The following IGDCC4 variants were observed in gnomAD, a reference collection of about 807,000 sequenced individuals.
IGDCC4 encodes immunoglobulin superfamily DCC subclass member 4.
IGDCC4 carries 72 observed loss-of-function variants against 116.6 expected under a neutral mutation model. The observed-to-expected ratio is 0.62, with a 90% CI of 0.51 to 0.75. The LOEUF (loss-of-function observed/expected upper bound fraction) is 0.75, where lower values mean the gene tolerates loss of function less well. IGDCC4 is among the 30% of genes least tolerant of loss of function. The probability of loss-of-function intolerance (pLI) is 0.00; values close to 1 mark genes in which losing one functional copy is unlikely to be tolerated. For missense variants in IGDCC4, 1,501 were observed against 1,662.4 expected, an observed-to-expected ratio of 0.90 and a Z score of 1.69; for synonymous variants, 709 against 719.9, an observed-to-expected ratio of 0.98 and a Z score of 0.24.
chr15:65,384,423 A>T lies in IGDCC4; in HGVS notation c.3343-4T>A, dbSNP rs999676782. On this transcript the variant is annotated splice_polypyrimidine_tract_variant and splice_region_variant and intron_variant, in intron 19 of 19. Transcript: ENST00000352385. The surrounding 1 kb of genome is among the most constrained non-coding windows in gnomAD (Gnocchi z 4.9). Reference sequence around the variant, plus strand: ...GTGACTTCTTCCTCCCATTGCCCTGATCAGAGCAGAGAACACAAAGACAAA... The same window carrying T: ...GTGACTTCTTCCTCCCATTGCCCTGTTCAGAGCAGAGAACACAAAGACAAA... 6.0e-6 allele frequency: 9 copies of T among 1,503,284 alleles called. No homozygotes were observed. In the African/African-American group the frequency reaches 7.0e-5, roughly 12 times the overall value. 93.1% of individuals were successfully genotyped at this position (1,503,284 alleles called of 1,614,324 possible).
Position 65,382,075 on chromosome 15 carries a change from G to A in IGDCC4, c.*1934C>T, listed in dbSNP as rs2091405251. On this transcript the variant is annotated 3_prime_UTR_variant, in exon 20 of 20. Transcript: ENST00000352385. ...TGTTAAAACAGCCATTTAATTCAGG[G>A]CAGTTTTTTTTTCTTCTTTAAAAAA... is the stretch of plus-strand genomic sequence containing the variant. 1 of 151,690 alleles carries A rather than the reference G, an allele frequency of 6.6e-6. No individual in the cohort carries two copies. Among genetic ancestry groups the A allele is most frequent in the South Asian group, 2.1e-4 (1 of 4,822 alleles). 9.4% of individuals were successfully genotyped at this position (151,690 alleles called of 1,614,324 possible).
At chr15:65,413,710 C>T (rs1370907723) in intron 1 of IGDCC4, among the ~76,000 whole-genome samples, 1 of 152,196 alleles carries the variant, frequency 6.6e-6, no homozygotes, top group Non-Finnish European at 1.5e-5. Flanking sequence ...GGCAGAATGG[C>T]ATGTCTGAGA....
intron 16 of IGDCC4, among the ~76,000 whole-genome samples, chr15:65,387,095 CG>C (rs1567079817): frequency 6.6e-6 from 1 of 152,080 alleles, no homozygotes; most frequent in Non-Finnish European, 1.5e-5. Flanking sequence ...GGCATGAACA[CG>C]GCTCGCTGTA....
Position 65,384,108 on chromosome 15 carries a change from C to T in IGDCC4, c.3654G>A (p.Val1218=), listed in dbSNP as rs747878018. The T allele has an allele frequency of 1.4e-5, 23 of 1,613,142 alleles. No homozygotes were observed. The South Asian group carries it at 2.4e-4, about 17-fold the overall frequency. ...AGCTATCTCCAGGGGTCTCCTCTAG[C>T]ACCTCGCCTGGCTGGAGGTCCGGGT... The part of the protein sequence containing the change: ...CSYPDLQPGE[V]LEETPGDSCQ... The change falls in exon 20 of 20, where the codon GTG becomes GTA. Residue 1218 remains valine (V), a synonymous_variant. Coordinates refer to ENST00000352385, the MANE Select transcript of IGDCC4 (RefSeq NM_020962.3). This position sits in a 1 kb window ranked among gnomAD's most constrained non-coding sequence, Gnocchi z 4.9.
chr15:65,383,888 A>G lies in IGDCC4; in HGVS notation c.*121T>C. The G allele has an allele frequency of 1.1e-6, 1 of 936,924 alleles. No individual in the cohort carries two copies. Among genetic ancestry groups the G allele is most frequent in the Non-Finnish European group, 1.5e-6 (1 of 654,402 alleles). The allele number at this position is 936,924 out of a possible 1,614,324, so 58.0% of individuals were successfully genotyped here. ...CCTCTCCCCTCAGCCAAAGCAACTTAGGAAGCTCCAAAGGGCTTGATGATG... is the reference window on the plus strand; with the variant it reads ...CCTCTCCCCTCAGCCAAAGCAACTTGGGAAGCTCCAAAGGGCTTGATGATG... On this transcript the variant is annotated 3_prime_UTR_variant, in exon 20 of 20. Transcript: ENST00000352385.
chr15:65,389,762 C>T (rs1413589210), intron 13 of IGDCC4, among the ~76,000 whole-genome samples: 2 of 152,192 alleles, frequency 1.3e-5, no homozygotes, highest in African/African-American at 2.4e-5. Context: ...GACTTTCCTC[C>T]GCCAAACCTC....
At chr15:65,394,300 T>C (rs1051225664) in intron 9 of IGDCC4, 111 bp downstream of exon 9, 6 of 1,532,360 alleles carry the variant, frequency 3.9e-6, no homozygotes, top group East Asian at 4.5e-5. Flanking sequence ...CAACCCCTAC[T>C]CTGCTTCCTT....
chr15:65,390,070 C>T (rs1251812268), intron 13 of IGDCC4, 85 bp downstream of exon 13: 26 of 1,273,150 alleles, frequency 2.0e-5, no homozygotes, highest in Non-Finnish European at 2.7e-5. Flanking sequence ...GGGCCCTTCC[C>T]TGATCACCAC....
chr15:65,415,164 C>T (rs1375889592), intron 1 of IGDCC4, among the ~76,000 whole-genome samples: 2 of 152,206 alleles, frequency 1.3e-5, no homozygotes, highest in African/African-American at 2.4e-5. Context: ...AATGCCCATT[C>T]CAGCCACTAA....
At chr15:65,400,729 TC>T in intron 5 of IGDCC4, 76 bp downstream of exon 5, 1 of 1,507,514 alleles carries the variant, frequency 6.6e-7, no homozygotes, top group South Asian at 1.3e-5. Context: ...CACCCATACA[TC>T]CCCCTGACTT....
chr15:65,402,548 C>T (rs2062998871), intron 3 of IGDCC4, 61 bp from the exon 4 acceptor site: 3 of 1,537,620 alleles, frequency 2.0e-6, no homozygotes, highest in African/African-American at 1.4e-5. Context: ...GAGGGTGGCT[C>T]ATGGTAAGAT....
At chr15:65,413,606 G>A (rs1257881920) in intron 1 of IGDCC4, among the ~76,000 whole-genome samples, 1 of 152,218 alleles carries the variant, frequency 6.6e-6, no homozygotes, top group African/African-American at 2.4e-5. Flanking sequence ...TCCCTGTTGT[G>A]TCTTCCAGAA....
intron 13 of IGDCC4, among the ~76,000 whole-genome samples, chr15:65,389,686 G>A (rs946565936): frequency 1.3e-5 from 2 of 152,198 alleles, no homozygotes; most frequent in African/African-American, 4.8e-5. Context: ...AATCATCTCC[G>A]ATGCATCTTT....
chr15:65,394,402 C>T lies in IGDCC4; in HGVS notation c.1714+9G>A. 1 of 1,613,864 alleles carries T rather than the reference C, an allele frequency of 6.2e-7. No homozygotes were observed. Among genetic ancestry groups the T allele is most frequent in the Non-Finnish European group, 8.5e-7 (1 of 1,179,990 alleles). Reference sequence around the variant, plus strand: ...CATACATGCCTGCAGCCCACCCACCCCCACTCACCTTCCTTTCCCAAACCG... The same window carrying T: ...CATACATGCCTGCAGCCCACCCACCTCCACTCACCTTCCTTTCCCAAACCG... On this transcript the variant is annotated intron_variant, in intron 9 of 19. Coordinates refer to ENST00000352385, the MANE Select transcript of IGDCC4 (RefSeq NM_020962.3).
rs1186664022 is a variant in IGDCC4 at position 65,386,778 on chromosome 15, C to A, written c.2846-122G>T. 20 of 691,712 alleles carry A rather than the reference C, an allele frequency of 2.9e-5. No homozygotes were observed. In the South Asian group the frequency reaches 3.1e-4, roughly 11 times the overall value. 42.8% of individuals were successfully genotyped at this position (691,712 alleles called of 1,614,324 possible). A position where few individuals can be genotyped will look rare whatever the true frequency, so the allele number is the denominator to read the frequency against. ...TGGACCCTCACCCTTCAGATGCTCA[C>A]AATCTTCTGATACAAGGACAGGAGG... On this transcript the variant is annotated intron_variant, in intron 16 of 19. Coordinates refer to ENST00000352385, the MANE Select transcript of IGDCC4 (RefSeq NM_020962.3).
intron 1 of IGDCC4, among the ~76,000 whole-genome samples, chr15:65,418,692 G>T (rs1408942900): frequency 1.3e-5 from 2 of 152,074 alleles, no homozygotes; most frequent in Non-Finnish European, 2.9e-5. Flanking sequence ...GACCAGGCTG[G>T]GGTCCTCTCC....
chr15:65,396,705 A>T, intron 6 of IGDCC4, 129 bp downstream of exon 6: 1 of 1,177,052 alleles, frequency 8.5e-7, no homozygotes, highest in Non-Finnish European at 1.2e-6. Context: ...CTTACTAGGG[A>T]CTCCTCCCTG....
chr15:65,405,333 G>A (rs1249825587), intron 3 of IGDCC4, among the ~76,000 whole-genome samples: 1 of 146,504 alleles, frequency 6.8e-6, no homozygotes, highest in Non-Finnish European at 1.5e-5. Flanking sequence ...CAATTAATAT[G>A]TATCAGTTAG....
intron 3 of IGDCC4, among the ~76,000 whole-genome samples, chr15:65,404,087 G>A (rs1336974653): frequency 2.0e-5 from 3 of 152,076 alleles, no homozygotes; most frequent in Non-Finnish European, 2.9e-5. Flanking sequence ...TTAGCTCCTG[G>A]GGAAGTGGGG....
Sources: allele counts gnomAD v4.1 joint callset (sites outside exome capture counted in the v4.1 genomes callset), GRCh38; gene constraint gnomAD v4.1.1; non-coding constraint Gnocchi (gnomAD v3.1); transcripts MANE v1.5; gene names NCBI Gene and HGNC (gene_info 2026-07-23, HGNC 2026-07-21).